SLC13A4: variants seen among roughly 807,000 people sequenced by gnomAD.
SLC13A4 encodes the protein Na(+)/sulfate cotransporter SUT-1.
Under a neutral mutation model 72.7 loss-of-function variants are expected in SLC13A4, and 28 were observed. The observed-to-expected ratio is 0.39, with a 90% CI of 0.29 to 0.53. SLC13A4 has a LOEUF of 0.53. Ranked by LOEUF, SLC13A4 falls within the 20% of genes least tolerant of loss-of-function variation. The pLI, the probability that SLC13A4 is intolerant of heterozygous loss-of-function variation, is 0.78. For synonymous variants in SLC13A4, 312 were observed against 325.5 expected (o/e 0.96, Z 0.45); for missense variants, 653 against 788.0 (o/e 0.83, Z 2.05).
chr7:135,687,669 C>G (rs905196219), intron 13 of SLC13A4, among the ~76,000 whole-genome samples: 3 of 152,288 alleles, frequency 2.0e-5, no homozygotes, highest in Admixed American at 2.0e-4. Flanking sequence ...TTTAATTGTT[C>G]CCTCTGGTAA....
intron 1 of SLC13A4, 99 bp downstream of exon 1, chr7:135,727,299 T>C (rs1298080147): frequency 5.5e-6 from 8 of 1,452,054 alleles, no homozygotes; most frequent in Non-Finnish European, 6.5e-6. Flanking sequence ...ACAAGCCACT[T>C]TGAGGGACTG....
chr7:135,699,428 T>A lies in SLC13A4; in HGVS notation c.835A>T (p.Ile279Phe). 6.2e-7 allele frequency: 1 copy of A among 1,613,330 alleles called. No homozygotes were observed. The highest frequency in any genetic ancestry group is 8.5e-7 in the Non-Finnish European group (1 of 1,179,684). Residue 279 changes from isoleucine to phenylalanine, a missense_variant, in exon 8 of 16, where the codon ATT (isoleucine) becomes TTT (phenylalanine). Transcript: ENST00000682651. ...LSLSISYSAT[I>F]GGLTTIIGTS... ...CCGATGATGGTGGTCAGGCCGCCAATGGTAGCGGAGTAGGATATGCTCAGG... is the reference window on the plus strand; with the variant it reads ...CCGATGATGGTGGTCAGGCCGCCAAAGGTAGCGGAGTAGGATATGCTCAGG...
chr7:135,693,398 A>G (rs1795834563), intron 10 of SLC13A4: 3 of 148,228 alleles, frequency 2.0e-5, no homozygotes, highest in Non-Finnish European at 4.4e-5. Flanking sequence ...CCAAAAATAC[A>G]TAAGAGTTTT....
chr7:135,708,334 A>G, intron 2 of SLC13A4, 84 bp from the exon 3 acceptor site: 1 of 1,557,854 alleles, frequency 6.4e-7, no homozygotes, highest in African/African-American at 1.4e-5. Context: ...GGCCATACCC[A>G]ATAAAACCTG....
chr7:135,714,820 G>A (rs1268752523), intron 2 of SLC13A4, among the ~76,000 whole-genome samples: 1 of 148,758 alleles, frequency 6.7e-6, no homozygotes, highest in Non-Finnish European at 1.5e-5. Context: ...GGCACCAGGC[G>A]GCAGCGGCTG....
chr7:135,695,263 G>T, intron 9 of SLC13A4, 105 bp downstream of exon 9: 1 of 1,473,082 alleles, frequency 6.8e-7, no homozygotes, highest in Non-Finnish European at 9.2e-7. Context: ...ATCCTCTGTG[G>T]TTACTTGGCA....
At chr7:135,709,431 A>ATTTTTTT (rs879324449) in intron 2 of SLC13A4, among the ~76,000 whole-genome samples, 1 of 70,916 alleles carries the variant, frequency 1.4e-5, no homozygotes. Context: ...TTTTTAAAAA[A>ATTTTTTT]AAATTTGAGA....
chr7:135,701,416 A>C (rs1004406446), intron 7 of SLC13A4, among the ~76,000 whole-genome samples: 1 of 135,582 alleles, frequency 7.4e-6, no homozygotes, highest in African/African-American at 2.7e-5. Flanking sequence ...TTTGAAGACT[A>C]GTTTGAGGAC....
chr7:135,705,440 A>C, intron 5 of SLC13A4, 156 bp downstream of exon 5: 1 of 471,580 alleles, frequency 2.1e-6, no homozygotes, highest in Non-Finnish European at 3.6e-6. Flanking sequence ...TGGAGAGGAA[A>C]TGGGGGAGGT....
At chr7:135,686,422 G>A (rs180987627) in intron 13 of SLC13A4, among the ~76,000 whole-genome samples, 1 of 152,078 alleles carries the variant, frequency 6.6e-6, no homozygotes, top group South Asian at 2.1e-4. Context: ...CAGGGTCCAG[G>A]ATGAGTGCAG....
intron 13 of SLC13A4, among the ~76,000 whole-genome samples, chr7:135,687,439 A>G (rs1474333912): frequency 6.6e-6 from 1 of 152,240 alleles, no homozygotes; most frequent in African/African-American, 2.4e-5. Context: ...CAAATTCATC[A>G]AAAGCTCATT....
intron 12 of SLC13A4, 67 bp from the exon 13 acceptor site, chr7:135,691,392 A>T (rs1456863776): frequency 1.1e-5 from 15 of 1,365,320 alleles, no homozygotes; most frequent in Non-Finnish European, 1.4e-5. Context: ...ACAGGAGCCT[A>T]ATTGGTGAAG....
chr7:135,691,161 C>CAAAAA, intron 13 of SLC13A4, 40 bp downstream of exon 13: 2 of 1,183,456 alleles, frequency 1.7e-6, no homozygotes, highest in Non-Finnish European at 2.3e-6. Flanking sequence ...AAGACTGTCT[C>CAAAAA]AAAAAAAAAA....
chr7:135,710,388 T>A (rs1796273395), intron 2 of SLC13A4, among the ~76,000 whole-genome samples: 1 of 152,196 alleles, frequency 6.6e-6, no homozygotes, highest in Non-Finnish European at 1.5e-5. Context: ...AGAGCGAGAC[T>A]ACGTCTCAAA....
At chr7:135,704,650 G>A (rs1458839314) in intron 5 of SLC13A4, 1 of 152,216 alleles carries the variant, frequency 6.6e-6, no homozygotes, top group African/African-American at 2.4e-5. Flanking sequence ...AGAAGTTGAA[G>A]TTTTGATTTG....
chr7:135,720,459 G>T (rs571402928), intron 2 of SLC13A4, among the ~76,000 whole-genome samples: 1 of 151,120 alleles, frequency 6.6e-6, no homozygotes, highest in Non-Finnish European at 1.5e-5. Flanking sequence ...AGTGCCTGGC[G>T]CTTAGTAGGC....
chr7:135,715,062 ATG>A (rs112275841), intron 2 of SLC13A4, among the ~76,000 whole-genome samples: 47,754 of 149,852 alleles, frequency 0.32, 8,061 homozygotes, highest in African/African-American at 0.42. Context: ...GTGTATGTGA[ATG>A]TGTGTGTGTA....
At chr7:135,688,470 T>C (rs1402812851) in intron 13 of SLC13A4, among the ~76,000 whole-genome samples, 4 of 152,182 alleles carry the variant, frequency 2.6e-5, no homozygotes, top group Non-Finnish European at 5.9e-5. Context: ...TTGGCCAGGC[T>C]AGCCTCAAAC....
chr7:135,710,237 TATTGA>T (rs1796269563), intron 2 of SLC13A4, among the ~76,000 whole-genome samples: 1 of 152,166 alleles, frequency 6.6e-6, no homozygotes, highest in Non-Finnish European at 1.5e-5. Context: ...TAATTTTGAT[TATTGA>T]ATTAACAAAA....
Sources: allele counts gnomAD v4.1 joint callset (sites outside exome capture counted in the v4.1 genomes callset), GRCh38; gene constraint gnomAD v4.1.1; transcripts MANE v1.5; gene names NCBI Gene and HGNC (gene_info 2026-07-23, HGNC 2026-07-21).